The following ZNF668 variants were observed in gnomAD, a reference collection of about 807,000 sequenced individuals.
ZNF668 encodes zinc finger protein 668.
Under a neutral mutation model 40.3 loss-of-function variants are expected in ZNF668, and 10 were observed. That is an observed-to-expected ratio of 0.25 (90% confidence interval 0.15 to 0.42). The LOEUF (loss-of-function observed/expected upper bound fraction) is 0.42. Ranked by LOEUF, ZNF668 falls within the 10% of genes least tolerant of loss-of-function variation. ZNF668 has a pLI of 1.00. For missense variants in ZNF668, 749 were observed against 904.6 expected (o/e 0.83, Z 2.21); for synonymous variants, 428 against 384.6 (o/e 1.11, Z -1.32).
rs2056934801 is a variant in ZNF668, at chr16:31,062,165, G to C, written c.763C>G (p.Pro255Ala). ...IHAAQKPYRC[P>A]ACGKGFTQLS... The stretch of plus-strand genomic sequence containing the variant: ...TGCGTGAAGCCCTTGCCGCAGGCCG[G>C]GCAGCGGTAGGGCTTCTGTGCCGCG... Residue 255 changes from proline to alanine, a missense_variant, in exon 3 of 3, where the codon CCG becomes GCG. Physicochemically the swap from Pro to Ala is conservative, Grantham distance 27. Coordinates refer to ENST00000300849, the MANE Select transcript of ZNF668 (RefSeq NM_024706.5). The C allele has an allele frequency of 6.2e-7, 1 of 1,613,898 alleles. No individual in the cohort carries two copies. Among genetic ancestry groups the C allele is most frequent in the Non-Finnish European group, 8.5e-7 (1 of 1,179,916 alleles).
intron 1 of ZNF668, chr16:31,064,852 A>G: frequency 7.0e-7 from 1 of 1,436,376 alleles, no homozygotes; most frequent in African/African-American, 1.4e-5. Context: ...TAAAGAGTGT[A>G]CCCAGACGTG....
chr16:31,070,168 T>C (rs948458407), intron 1 of ZNF668, among the ~76,000 whole-genome samples: 1 of 151,850 alleles, frequency 6.6e-6, no homozygotes, highest in African/African-American at 2.4e-5. Context: ...TCCGCCCGCC[T>C]CGGCCTCCCA....
At position 31,061,595 on chromosome 16, in the gene ZNF668, C is replaced by T. The variant is rs1219943067; in HGVS notation, c.1333G>A (p.Ala445Thr). The T allele has an allele frequency of 2.5e-6, 4 of 1,609,068 alleles. No individual in the cohort carries two copies. The highest frequency in any genetic ancestry group is 3.3e-5 in the Admixed American group (2 of 59,976). The change falls in exon 3 of 3, where the codon GCC becomes ACC. Residue 445 changes from alanine to threonine, a missense_variant. By Grantham distance (58) the Ala-to-Thr change is moderately conservative. Around this residue, in one of 4 missense-constraint regions of ZNF668, gnomAD observed 310 missense variants for 355.1 expected, o/e 0.87. Coordinates refer to ENST00000300849, the MANE Select transcript of ZNF668 (RefSeq NM_024706.5). This position sits in a 1 kb window ranked among gnomAD's most constrained non-coding sequence, Gnocchi z 7.7. ...CCCAGCCCCGCCCCTGCTGCCGGGG[C>T]GGCTGAACTCTCACCTGCCACGCCC... Reference protein sequence around the residue: ...PVGVAGESSAAPAAGAGLGDP... With the variant: ...PVGVAGESSATPAAGAGLGDP...
chr16:31,064,220 C>T lies in ZNF668; in HGVS notation c.240G>A (p.Lys80=), dbSNP rs778856107. Reference sequence around the variant, plus strand: ...ATAGCGGACACGCATAGGGCCTAGGCTTGGCCGCGGAGCCTGACACCTTCT... The same window carrying T: ...ATAGCGGACACGCATAGGGCCTAGGTTTGGCCGCGGAGCCTGACACCTTCT... ...SGEKVSGSAA[K]PRPYACPLCP... Residue 80 remains lysine, a synonymous_variant, in exon 2 of 3, where the codon AAG becomes AAA. Coordinates refer to ENST00000300849, the MANE Select transcript of ZNF668 (RefSeq NM_024706.5). 18 of 1,613,182 alleles carry T rather than the reference C, an allele frequency of 1.1e-5. No homozygotes were observed. The highest frequency in any genetic ancestry group is 1.4e-5 in the Non-Finnish European group (17 of 1,180,006).
At chr16:31,071,413 C>T (rs933571606) in intron 1 of ZNF668, among the ~76,000 whole-genome samples, 10 of 151,764 alleles carry the variant, frequency 6.6e-5, no homozygotes, top group East Asian at 1.9e-4. Context: ...GTGATCCGAC[C>T]GCCTCAGCCT....
Position 31,073,871 on chromosome 16 carries a change from C to T in ZNF668, c.-235G>A, listed in dbSNP as rs765438475. Reference sequence around the variant, plus strand: ...CCAGCCTATGGCGGCAGAGAAGCATCTTGCAAGAGGTCTCTGTGTGTGCTG... The same window carrying T: ...CCAGCCTATGGCGGCAGAGAAGCATTTTGCAAGAGGTCTCTGTGTGTGCTG... On this transcript the variant is annotated 5_prime_UTR_variant, in exon 1 of 3. Transcript: ENST00000300849. The T allele has an allele frequency of 2.6e-5, 4 of 152,174 alleles. No homozygotes were observed. Among genetic ancestry groups the T allele is most frequent in the Non-Finnish European group, 5.9e-5 (4 of 68,042 alleles). The allele number at this position is 152,174 out of a possible 1,614,324, so 9.4% of individuals were successfully genotyped here.
At chr16:31,071,791 A>G (rs1240121708) in intron 1 of ZNF668, among the ~76,000 whole-genome samples, 1 of 152,150 alleles carries the variant, frequency 6.6e-6, no homozygotes, top group Non-Finnish European at 1.5e-5. Context: ...TGTCATCTGG[A>G]CAATACTCCT....
At chr16:31,071,421 C>T (rs780770128) in intron 1 of ZNF668, among the ~76,000 whole-genome samples, 3 of 152,162 alleles carry the variant, frequency 2.0e-5, no homozygotes, top group Non-Finnish European at 4.4e-5. Context: ...ACCGCCTCAG[C>T]CTCCCAAAGT....
At position 31,061,568 on chromosome 16, in the gene ZNF668, C is replaced by T. The variant is rs559376049; in HGVS notation, c.1360G>A (p.Asp454Asn). ...AAPAAGAGLG[D>N]PPAGLLGLPP... Reference sequence around the variant, plus strand: ...AGCCCTAGCAGCCCTGCTGGAGGGTCCCCCAGCCCCGCCCCTGCTGCCGGG... The same window carrying T: ...AGCCCTAGCAGCCCTGCTGGAGGGTTCCCCAGCCCCGCCCCTGCTGCCGGG... Residue 454 changes from aspartate (D) to asparagine (N), a missense_variant, in exon 3 of 3, where the codon GAC becomes AAC. Physicochemically the swap from Asp to Asn is conservative, Grantham distance 23. Coordinates refer to ENST00000300849, the MANE Select transcript of ZNF668 (RefSeq NM_024706.5). The surrounding 1 kb of genome is among the most constrained non-coding windows in gnomAD (Gnocchi z 7.7). 6.8e-6 allele frequency: 11 copies of T among 1,608,710 alleles called. No individual in the cohort carries two copies. The highest frequency in any genetic ancestry group is 8.5e-6 in the Non-Finnish European group (10 of 1,179,754).
intron 2 of ZNF668, chr16:31,062,888 A>T (rs1320962269): frequency 6.6e-6 from 1 of 151,622 alleles, no homozygotes; most frequent in Non-Finnish European, 1.5e-5. Flanking sequence ...TGAGGTCAGG[A>T]GTTCAAGACC....
At position 31,061,808 on chromosome 16, in the gene ZNF668, C is replaced by T. The variant is rs1218719029; in HGVS notation, c.1120G>A (p.Ala374Thr). The T allele has an allele frequency of 2.5e-6, 4 of 1,612,270 alleles. No homozygotes were observed. Among genetic ancestry groups the T allele is most frequent in the Non-Finnish European group, 3.4e-6 (4 of 1,179,740 alleles). Residue 374 changes from alanine (A) to threonine (T), a missense_variant, in exon 3 of 3, where the codon GCC becomes ACC. Physicochemically the swap from Ala to Thr is moderately conservative, Grantham distance 58. Around this residue, in one of 4 missense-constraint regions of ZNF668, gnomAD observed 310 missense variants for 355.1 expected, o/e 0.87. Transcript: ENST00000300849. The surrounding 1 kb of genome is among the most constrained non-coding windows in gnomAD (Gnocchi z 7.7). ...FRCEECGRAF[A>T]ERASLTKHSR... ...TGCTTCGTGAGGCTGGCACGCTCGG[C>T]GAAGGCTCGCCCGCACTCCTCACAG... is the stretch of plus-strand genomic sequence containing the variant.
At position 31,064,325 on chromosome 16, in the gene ZNF668, C is replaced by G. The variant is rs769333792; in HGVS notation, c.135G>C (p.Gly45=). Residue 45 remains glycine, a synonymous_variant, in exon 2 of 3, where the codon GGG becomes GGC. Transcript: ENST00000300849. ...CCACCTCTTCAGAGCAGTCTGCCGG[C>G]CCATGTGTGGCAGCGTGGCGCGCTG... ...PRAARHAATH[G]PADCSEEVAE... The G allele has an allele frequency of 1.2e-6, 2 of 1,613,352 alleles. No individual in the cohort carries two copies. The highest frequency in any genetic ancestry group is 1.7e-6 in the Non-Finnish European group (2 of 1,180,004).
rs1157415212 is a variant in ZNF668, at chr16:31,062,259, G to T, written c.669C>A (p.Pro223=). ...TCTTCCCGCACTCGGAGCAGAGGAA[G>T]GGGCGCTCGCCGGTGTGGGACCTGC... The part of the protein sequence containing the change: ...NHERSHTGER[P]FLCSECGKSF... The change falls in exon 3 of 3, where the codon CCC becomes CCA. Residue 223 remains proline (P), a synonymous_variant. Transcript: ENST00000300849. The T allele has an allele frequency of 6.2e-7, 1 of 1,607,286 alleles. No homozygotes were observed.
rs369834140 is a variant in ZNF668, at chr16:31,064,484, G to A, written c.-22-3C>T. ...TGGCCTTGGTGAACGGGGTTTCTCT[G>A]CAAGAGAAGCAAAGTTAGACCAAAG... On this transcript the variant is annotated splice_region_variant and splice_polypyrimidine_tract_variant and intron_variant, in intron 1 of 2. Transcript: ENST00000300849. 5.6e-6 allele frequency: 9 copies of A among 1,604,226 alleles called. No homozygotes were observed. Among genetic ancestry groups the A allele is most frequent in the African/African-American group, 5.3e-5 (4 of 74,938 alleles).
intron 1 of ZNF668, chr16:31,066,271 C>G (rs1304141569): frequency 1.0e-6 from 1 of 985,350 alleles, no homozygotes; most frequent in Non-Finnish European, 1.2e-6. Context: ...TGTTCCAAAT[C>G]TGACAAGTCC....
chr16:31,071,076 G>T (rs2057013511), intron 1 of ZNF668, among the ~76,000 whole-genome samples: 1 of 151,434 alleles, frequency 6.6e-6, no homozygotes, highest in Admixed American at 6.6e-5. Context: ...GGCTGGTCTG[G>T]AACTCCTGAC....
chr16:31,061,907 A>G lies in ZNF668; in HGVS notation c.1021T>C (p.Cys341Arg). Residue 341 changes from cysteine (C) to arginine (R), a missense_variant, in exon 3 of 3, where the codon TGT becomes CGT. Coordinates refer to ENST00000300849, the MANE Select transcript of ZNF668 (RefSeq NM_024706.5). The surrounding 1 kb of genome is among the most constrained non-coding windows in gnomAD (Gnocchi z 7.7). ...TGDRPFKCLQ[C>R]DKTFVASWDL... The stretch of plus-strand genomic sequence containing the variant: ...CAGGACGCCACGAACGTCTTGTCAC[A>G]TTGCAGGCACTTGAACGGCCGGTCG... 1 of 1,613,234 alleles carries G rather than the reference A, an allele frequency of 6.2e-7. No individual in the cohort carries two copies. Among genetic ancestry groups the G allele is most frequent in the Non-Finnish European group, 8.5e-7 (1 of 1,179,648 alleles).
At chr16:31,065,972 G>A (rs1213345301) in intron 1 of ZNF668, 2 of 969,636 alleles carry the variant, frequency 2.1e-6, no homozygotes, top group Non-Finnish European at 2.5e-6. Context: ...AGGGTGCTAG[G>A]GGAAATACAG....
Position 31,061,463 on chromosome 16 carries a change from C to A in ZNF668, c.1465G>T (p.Ala489Ser). 8 of 1,613,770 alleles carry A rather than the reference C, an allele frequency of 5.0e-6. No homozygotes were observed. Among genetic ancestry groups the A allele is most frequent in the East Asian group, 4.5e-5 (2 of 44,878 alleles). ...GGACCAGGAGCCTCCCGGACACCAG[C>A]ATCTTGGCATTCCACATGCTCCACC... is the stretch of plus-strand genomic sequence containing the variant. ...MTVEHVECQDAGVREAPGPLE... is the reference protein window; with the variant it reads ...MTVEHVECQDSGVREAPGPLE... The change falls in exon 3 of 3, where the codon GCT (alanine) becomes TCT (serine). Residue 489 changes from alanine (A) to serine (S), a missense_variant. Physicochemically the swap from Ala to Ser is moderately conservative, Grantham distance 99 (BLOSUM62 1). Transcript: ENST00000300849. The surrounding 1 kb of genome is among the most constrained non-coding windows in gnomAD (Gnocchi z 7.7).
Sources: gnomAD v4.1 joint callset for allele counts (sites outside exome capture counted in the v4.1 genomes callset) on GRCh38, gnomAD v4.1.1 for gene constraint, gnomAD v4.1.1 regional missense constraint, Gnocchi (gnomAD v3.1) non-coding constraint, MANE v1.5 for transcripts, NCBI Gene and HGNC (gene_info 2026-07-23, HGNC 2026-07-21) for gene names.